Variants in TRMT11 observed in about 807,000 individuals in gnomAD.
TRMT11 encodes tRNA (guanine(10)-N(2))-methyltransferase TRMT11.
A neutral mutation model predicts 62.8 loss-of-function variants in TRMT11; 53 were observed. The ratio of observed to expected loss-of-function variants is 0.84; its 90% CI spans 0.68 to 1.06. TRMT11 has a LOEUF of 1.06. TRMT11 is among the 50% of genes least tolerant of loss of function. The pLI is 0.00. For missense variants in TRMT11, 556 were observed against 553.4 expected (o/e 1.00, Z -0.05); for synonymous variants, 188 against 190.3 (o/e 0.99, Z 0.10).
chr6:126,225,020 TGACA>T, the TRMT11 span, among the ~76,000 whole-genome samples: 2 of 152,106 alleles, frequency 1.3e-5, no homozygotes, highest in Non-Finnish European at 2.9e-5. Context: ...TGAGAGAGGC[TGACA>T]GACAGAGGGG....
chr6:126,151,913 TTC>T (rs1354964052), intron 21 of TRMT11, among the ~76,000 whole-genome samples: 1 of 88,542 alleles, frequency 1.1e-5, no homozygotes, highest in East Asian at 2.3e-4. Flanking sequence ...TTCTCTTTCT[TTC>T]TTTCTTTCTT....
chr6:126,080,718 A>C (rs1777143389), intron 17 of TRMT11, among the ~76,000 whole-genome samples: 1 of 152,216 alleles, frequency 6.6e-6, no homozygotes, highest in Non-Finnish European at 1.5e-5. Flanking sequence ...TACTCACGGT[A>C]GCCCACTAGT....
intron 1 of TRMT11, among the ~76,000 whole-genome samples, chr6:126,178,960 C>G (rs1462438897): frequency 2.0e-5 from 3 of 152,076 alleles, no homozygotes; most frequent in Non-Finnish European, 4.4e-5. Flanking sequence ...TTCTTATTGT[C>G]TATCAGGGTA....
intron 21 of TRMT11, among the ~76,000 whole-genome samples, chr6:126,129,724 C>T (rs1777759182): frequency 6.6e-6 from 1 of 152,058 alleles, no homozygotes; most frequent in African/African-American, 2.4e-5. Context: ...CGAGGTATTA[C>T]TATGTTGCCC....
At chr6:126,267,026 A>T in the TRMT11 span, among the ~76,000 whole-genome samples, 7 of 152,280 alleles carry the variant, frequency 4.6e-5, no homozygotes, top group African/African-American at 1.7e-4. Flanking sequence ...TTTTATTATG[A>T]CAAAATTTTA....
At chr6:126,168,672 C>A (rs958310928) in intron 21 of TRMT11, among the ~76,000 whole-genome samples, 2 of 152,168 alleles carry the variant, frequency 1.3e-5, no homozygotes, top group Non-Finnish European at 2.9e-5. Flanking sequence ...GAGTGTGCCA[C>A]CTCGCCCAGC....
intron 17 of TRMT11, among the ~76,000 whole-genome samples, chr6:126,110,295 G>A (rs964403625): frequency 6.6e-6 from 1 of 152,048 alleles, no homozygotes; most frequent in Non-Finnish European, 1.5e-5. Flanking sequence ...GGATGATTTG[G>A]CCTGGGCTCC....
In TRMT11 at chr6:125,999,494, G is replaced by C. The variant is rs371524800; in HGVS notation, c.560G>C (p.Ser187Thr). Reference sequence around the variant, plus strand: ...CAGAGAGAGCTTATTGAGTCATACAGTGTCAAAAAGAGACACTTTATTGGA... The same window carrying C: ...CAGAGAGAGCTTATTGAGTCATACACTGTCAAAAAGAGACACTTTATTGGA... ...DGQRELIESY[S>T]VKKRHFIGNT... The change falls in exon 7 of 13, where the codon AGT becomes ACT. Residue 187 changes from serine (S) to threonine (T), a missense_variant. Coordinates refer to ENST00000334379, the MANE Select transcript of TRMT11 (RefSeq NM_001031712.3). 1.2e-6 allele frequency: 2 copies of C among 1,610,706 alleles called. No individual in the cohort carries two copies. The highest frequency in any genetic ancestry group is 1.3e-5 in the African/African-American group (1 of 74,782).
intron 21 of TRMT11, among the ~76,000 whole-genome samples, chr6:126,126,778 T>A (rs1777724505): frequency 6.6e-6 from 1 of 151,978 alleles, no homozygotes; most frequent in South Asian, 2.1e-4. Flanking sequence ...CCACCCCTCC[T>A]AAGATCAAAA....
chr6:126,167,697 C>T (rs1450847110), intron 21 of TRMT11, among the ~76,000 whole-genome samples: 2 of 152,204 alleles, frequency 1.3e-5, no homozygotes, highest in Admixed American at 6.5e-5. Context: ...TGGTGTGTGT[C>T]TGTATTTGTG....
chr6:126,209,097 G>T, the TRMT11 span, among the ~76,000 whole-genome samples: 1 of 152,136 alleles, frequency 6.6e-6, no homozygotes, highest in African/African-American at 2.4e-5. Flanking sequence ...TTATTGAGGG[G>T]AAGTCCTGGA....
chr6:126,091,715 A>G (rs1040046610), intron 17 of TRMT11, among the ~76,000 whole-genome samples: 1 of 152,076 alleles, frequency 6.6e-6, no homozygotes, highest in African/African-American at 2.4e-5. Context: ...TGGCAACTCT[A>G]TTGTTTGCAT....
At chr6:126,159,017 T>A (rs1230628259) in intron 21 of TRMT11, among the ~76,000 whole-genome samples, 1 of 152,204 alleles carries the variant, frequency 6.6e-6, no homozygotes, top group East Asian at 1.9e-4. Flanking sequence ...CTACTGCTAC[T>A]GTGCAGATGT....
At chr6:126,205,426 C>T (rs531439424), downstream of TRMT11, among the ~76,000 whole-genome samples, 48 of 152,230 alleles carry the variant, frequency 3.2e-4, 1 homozygote, top group African/African-American at 9.9e-4. Context: ...ATTACTTGAA[C>T]CTGGGAGGTG....
At chr6:126,073,587 A>G (rs1368023361) in intron 17 of TRMT11, among the ~76,000 whole-genome samples, 1 of 152,154 alleles carries the variant, frequency 6.6e-6, no homozygotes, top group Non-Finnish European at 1.5e-5. Context: ...TTACCTAGTA[A>G]TCAAACAATT....
chr6:126,165,680 G>T (rs1371652656), intron 21 of TRMT11, among the ~76,000 whole-genome samples: 1 of 152,134 alleles, frequency 6.6e-6, no homozygotes, highest in Non-Finnish European at 1.5e-5. Flanking sequence ...TCCCTTTGTG[G>T]GTAACCCAAC....
intron 17 of TRMT11, among the ~76,000 whole-genome samples, chr6:126,077,419 G>A (rs1777052013): frequency 6.6e-6 from 1 of 152,190 alleles, no homozygotes; most frequent in African/African-American, 2.4e-5. Flanking sequence ...TTGAAAGAGT[G>A]TGACTAGAAA....
chr6:126,239,608 C>T, the TRMT11 span, among the ~76,000 whole-genome samples: 51 of 152,144 alleles, frequency 3.4e-4, no homozygotes, highest in African/African-American at 1.2e-3. Context: ...CCTTTGTGGG[C>T]AACCTGACCT....
chr6:126,155,852 C>T (rs1778113560), intron 21 of TRMT11, among the ~76,000 whole-genome samples: 1 of 152,120 alleles, frequency 6.6e-6, no homozygotes, highest in South Asian at 2.1e-4. Context: ...TTCCAAGTAG[C>T]TGGGACTACA....
Sources: allele counts gnomAD v4.1 joint callset (sites outside exome capture counted in the v4.1 genomes callset), GRCh38; gene constraint gnomAD v4.1.1; transcripts MANE v1.5; gene names NCBI Gene and HGNC (gene_info 2026-07-23, HGNC 2026-07-21).